Variants in SLC8A1 observed in about 807,000 individuals in gnomAD.
SLC8A1 encodes solute carrier family 8 member A1, also known as sodium/calcium exchanger 1.
In SLC8A1, 18 loss-of-function variants were observed where a neutral mutation model predicts 68.3. The observed-to-expected ratio is 0.26, with a 90% CI of 0.18 to 0.39. The LOEUF (loss-of-function observed/expected upper bound fraction) is 0.39. Among genes scored for constraint, SLC8A1 ranks in the 10% least tolerant of loss-of-function variants. SLC8A1 has a pLI of 1.00. For synonymous variants in SLC8A1, 475 were observed against 415.5 expected (o/e 1.14, Z -1.74); for missense variants, 985 against 1,156.7 (o/e 0.85, Z 2.15).
intron 2 of SLC8A1, among the ~76,000 whole-genome samples, chr2:40,219,261 C>G (rs920573957): frequency 2.6e-5 from 4 of 152,142 alleles, no homozygotes; most frequent in African/African-American, 7.2e-5. Context: ...AAGCACAGCT[C>G]TTGTTTGACC....
At position 40,415,151 on chromosome 2, in the gene SLC8A1, A is replaced by T. The variant is rs1011315291; in HGVS notation, c.1808+13322T>A. On this transcript the variant is annotated intron_variant, in intron 2 of 7. Transcript: ENST00000406785. ...AGAAGTGCACCAACTATTTCTCCAG[A>T]CTTGAACAACCAAGTCTAAGAGTAA... Among the ~76,000 whole-genome samples the T allele has an allele frequency of 4.6e-5, 7 of 152,334 alleles. No homozygotes were observed. The East Asian group carries it at 1.2e-3, about 25-fold the overall frequency.
rs1051011787 is a variant in SLC8A1, at chr2:40,387,662, T to C, written c.1808+40811A>G. ...TTAACTTGGGGTACTTAAGAATTAG[T>C]TGTGGTGGCTCATGCCTGTAATCCC... is the stretch of plus-strand genomic sequence containing the variant. On this transcript the variant is annotated intron_variant, in intron 2 of 7. Transcript: ENST00000406785. 2.9e-4 allele frequency among the ~76,000 whole-genome samples: 44 copies of C among 151,250 alleles called. 1 individual carries two copies. The highest frequency in any genetic ancestry group is 1.0e-3 in the African/African-American group (42 of 40,740).
intron 2 of SLC8A1, among the ~76,000 whole-genome samples, chr2:40,420,317 C>G (rs1695127506): frequency 6.6e-6 from 1 of 150,932 alleles, no homozygotes; most frequent in South Asian, 2.1e-4. Context: ...TCCCCTGATA[C>G]TAATTCTTTG....
chr2:40,343,148 A>C (rs1011350841), intron 2 of SLC8A1, among the ~76,000 whole-genome samples: 3 of 152,148 alleles, frequency 2.0e-5, no homozygotes, highest in African/African-American at 7.2e-5. Flanking sequence ...CTTGGGCAAA[A>C]ATTACTTAAA....
At chr2:40,261,811 A>G (rs2064746790) in intron 2 of SLC8A1, among the ~76,000 whole-genome samples, 1 of 152,238 alleles carries the variant, frequency 6.6e-6, no homozygotes, top group African/African-American at 2.4e-5. Flanking sequence ...TTTAAGAGAA[A>G]GAGAAAATGA....
intron 2 of SLC8A1, among the ~76,000 whole-genome samples, chr2:40,304,996 A>G (rs1351228380): frequency 6.6e-6 from 1 of 152,226 alleles, no homozygotes; most frequent in Non-Finnish European, 1.5e-5. Context: ...TCACTTAAGA[A>G]TTTTGTTAAA....
chr2:40,424,518 T>C (rs1209678564), intron 2 of SLC8A1, among the ~76,000 whole-genome samples: 2 of 151,836 alleles, frequency 1.3e-5, no homozygotes. Flanking sequence ...GATATAAATA[T>C]TGAGCATCAG....
At chr2:40,399,818 C>T (rs1449222229) in intron 2 of SLC8A1, among the ~76,000 whole-genome samples, 1 of 152,028 alleles carries the variant, frequency 6.6e-6, no homozygotes, top group African/African-American at 2.4e-5. Flanking sequence ...GAGGGGACCA[C>T]CCCTCATATT....
At chr2:40,263,624 T>C (rs1160228153) in intron 2 of SLC8A1, among the ~76,000 whole-genome samples, 1 of 152,132 alleles carries the variant, frequency 6.6e-6, no homozygotes, top group Non-Finnish European at 1.5e-5. Flanking sequence ...GTTTCATAAA[T>C]GGTGCTAGCC....
rs938833596 is a variant in SLC8A1 at position 40,164,780 on chromosome 2, C to G, written c.2061+74G>C. ...CTACTCTTTCCAGGTGGATCTTAAGCTTTGGCCAACCCTATGAACAGTTTC... is the reference window on the plus strand; with the variant it reads ...CTACTCTTTCCAGGTGGATCTTAAGGTTTGGCCAACCCTATGAACAGTTTC... On this transcript the variant is annotated intron_variant, in intron 5 of 7. Transcript: ENST00000406785. The G allele has an allele frequency of 1.5e-5, 24 of 1,571,996 alleles. No homozygotes were observed. In the Admixed American group the frequency reaches 3.7e-4, roughly 24 times the overall value.
intron 2 of SLC8A1, among the ~76,000 whole-genome samples, chr2:40,395,760 G>C (rs1482667613): frequency 6.6e-6 from 1 of 152,074 alleles, no homozygotes; most frequent in African/African-American, 2.4e-5. Context: ...AAAAGATAGG[G>C]ATATAGAGTC....
chr2:40,371,535 C>G (rs1678059680), intron 2 of SLC8A1, among the ~76,000 whole-genome samples: 1 of 152,078 alleles, frequency 6.6e-6, no homozygotes, highest in Non-Finnish European at 1.5e-5. Flanking sequence ...TGTCTTCTAC[C>G]TCTTAGGGTT....
chr2:40,451,185 G>C (rs901582686), intron 1 of SLC8A1, among the ~76,000 whole-genome samples: 3 of 152,156 alleles, frequency 2.0e-5, no homozygotes, highest in Non-Finnish European at 4.4e-5. Context: ...AGCCAGCAAA[G>C]CTCCAGAGGC....
At chr2:40,346,285 C>T (rs1669278201) in intron 2 of SLC8A1, among the ~76,000 whole-genome samples, 1 of 152,104 alleles carries the variant, frequency 6.6e-6, no homozygotes, top group Non-Finnish European at 1.5e-5. Context: ...CTAAGCTTTT[C>T]TTGCCTTTGT....
At chr2:40,365,348 A>G (rs189360716) in intron 2 of SLC8A1, among the ~76,000 whole-genome samples, 5 of 152,244 alleles carry the variant, frequency 3.3e-5, no homozygotes, top group African/African-American at 7.2e-5. Flanking sequence ...TCAGGGCTAT[A>G]TCTTTACACA....
chr2:40,114,113 A>G (rs1558399764), exon 8 of SLC8A1: 1 of 152,784 alleles, frequency 6.5e-6, no homozygotes, highest in Non-Finnish European at 1.5e-5. Context: ...AGTATGTACT[A>G]TACTCTACTA....
At chr2:40,233,952 C>T (rs2060020670) in intron 2 of SLC8A1, among the ~76,000 whole-genome samples, 1 of 151,266 alleles carries the variant, frequency 6.6e-6, no homozygotes, top group South Asian at 2.1e-4. Flanking sequence ...TTCCATTGAT[C>T]TATATCTCTG....
upstream of SLC8A1, among the ~76,000 whole-genome samples, chr2:40,455,851 C>T (rs1326827498): frequency 6.6e-6 from 1 of 152,206 alleles, no homozygotes; most frequent in Non-Finnish European, 1.5e-5. Context: ...AACCCTGCTA[C>T]TGCACAACAG....
At chr2:40,226,365 G>C (rs958957341) in intron 2 of SLC8A1, among the ~76,000 whole-genome samples, 3 of 152,170 alleles carry the variant, frequency 2.0e-5, no homozygotes, top group African/African-American at 7.2e-5. Context: ...AAACTTCCAT[G>C]ACTTCTAGGG....
Sources: allele counts gnomAD v4.1 joint callset (sites outside exome capture counted in the v4.1 genomes callset), GRCh38; gene constraint gnomAD v4.1.1; transcripts MANE v1.5; gene names NCBI Gene and HGNC (gene_info 2026-07-23, HGNC 2026-07-21).